AGMO: variants seen among roughly 807,000 people sequenced by gnomAD.
AGMO encodes the protein glyceryl-ether monooxygenase.
A neutral mutation model predicts 60.2 loss-of-function variants in AGMO; 75 were observed. The ratio of observed to expected loss-of-function variants is 1.25; its 90% confidence interval spans 1.03 to 1.51. The LOEUF is 1.51. Ranked by LOEUF, AGMO falls within the 40% of genes most tolerant of loss-of-function variation. The pLI is 0.00. For synonymous variants in AGMO, 261 were observed against 177.1 expected (o/e 1.47, Z -3.76); for missense variants, 763 against 525.5 (o/e 1.45, Z -4.42).
At chr7:15,391,559 G>C (rs945065288) in intron 6 of AGMO, among the ~76,000 whole-genome samples, 9 of 152,026 alleles carry the variant, frequency 5.9e-5, no homozygotes, top group African/African-American at 1.7e-4. Context: ...TTAAGAAAAA[G>C]AATAATTAAT....
At chr7:15,135,686 T>G in the AGMO span, among the ~76,000 whole-genome samples, 3 of 152,050 alleles carry the variant, frequency 2.0e-5, no homozygotes, top group Admixed American at 6.6e-5. Context: ...CTTAAATGTT[T>G]CTGTTTTAAT....
At chr7:15,393,979 A>G (rs1049260983) in intron 6 of AGMO, 134 bp downstream of exon 6, 7 of 650,100 alleles carry the variant, frequency 1.1e-5, no homozygotes, top group Non-Finnish European at 1.8e-5. Context: ...GAAGATAGAA[A>G]AGAAGAAACT....
At chr7:15,150,411 G>C in the AGMO span, among the ~76,000 whole-genome samples, 5 of 152,006 alleles carry the variant, frequency 3.3e-5, no homozygotes, top group Admixed American at 2.0e-4. Context: ...TCCAGCTTTT[G>C]CCCATTTAGT....
chr7:15,315,007 G>A (rs1170889533), intron 12 of AGMO, among the ~76,000 whole-genome samples: 2 of 152,150 alleles, frequency 1.3e-5, no homozygotes, highest in African/African-American at 4.8e-5. Flanking sequence ...AATACTAACC[G>A]CCAGCTGATA....
rs765222435 is a variant in AGMO at position 15,292,751 on chromosome 7, C to CTTTT, written c.1263+72759_1263+72762dup. ...AATACAGTCTCCTCCTTTTTTTTTCCTTTTTTTTTTTTTTTTTTTTTTTGA... is the reference window on the plus strand; with the variant it reads ...AATACAGTCTCCTCCTTTTTTTTTCCTTTTTTTTTTTTTTTTTTTTTTTTTTTGA... On this transcript the variant is annotated intron_variant, in intron 12 of 12. Transcript: ENST00000342526. Among the ~76,000 whole-genome samples the CTTTT allele has an allele frequency of 1.8e-3, 175 of 95,108 alleles. 3 individuals carry two copies. Among genetic ancestry groups the CTTTT allele is most frequent in the African/African-American group, 5.6e-3 (121 of 21,792 alleles). 62.4% of individuals were successfully genotyped at this position (95,108 alleles called of 152,430 possible).
chr7:15,482,996 T>G (rs905787182), intron 3 of AGMO, among the ~76,000 whole-genome samples: 1 of 152,200 alleles, frequency 6.6e-6, no homozygotes, highest in East Asian at 1.9e-4. Context: ...TATAAGTATC[T>G]ATCTTTAAAA....
chr7:15,372,053 C>G (rs1331214008), intron 10 of AGMO, among the ~76,000 whole-genome samples: 1 of 151,944 alleles, frequency 6.6e-6, no homozygotes, highest in Non-Finnish European at 1.5e-5. Flanking sequence ...CAACATAGAA[C>G]ACATATGCTT....
At chr7:15,357,930 C>G (rs1782604189) in intron 12 of AGMO, among the ~76,000 whole-genome samples, 1 of 151,764 alleles carries the variant, frequency 6.6e-6, no homozygotes, top group Non-Finnish European at 1.5e-5. Flanking sequence ...TGAATTTTAC[C>G]AAATAAACAC....
At chr7:15,355,221 G>C (rs1049410499) in intron 12 of AGMO, among the ~76,000 whole-genome samples, 2 of 152,010 alleles carry the variant, frequency 1.3e-5, no homozygotes, top group African/African-American at 4.8e-5. Context: ...AGCCAATATT[G>C]GCTGGGCACG....
chr7:15,192,668 T>C, the AGMO span, among the ~76,000 whole-genome samples: 1 of 152,260 alleles, frequency 6.6e-6, no homozygotes, highest in Non-Finnish European at 1.5e-5. Flanking sequence ...TAGCCATCCC[T>C]AGACAGCAAC....
intron 3 of AGMO, among the ~76,000 whole-genome samples, chr7:15,478,846 T>A (rs906147781): frequency 6.6e-6 from 1 of 152,194 alleles, no homozygotes. Flanking sequence ...TGTATTGATA[T>A]TGTATATTGA....
At chr7:15,285,698 T>G (rs1354362502) in intron 12 of AGMO, among the ~76,000 whole-genome samples, 1 of 152,040 alleles carries the variant, frequency 6.6e-6, no homozygotes, top group East Asian at 1.9e-4. Flanking sequence ...CCAACATCAT[T>G]TTTAACAGAA....
intron 9 of AGMO, among the ~76,000 whole-genome samples, chr7:15,386,683 A>G (rs1191856993): frequency 1.3e-5 from 2 of 152,180 alleles, no homozygotes; most frequent in African/African-American, 4.8e-5. Flanking sequence ...TAACTTTTGT[A>G]CACATAGTAT....
chr7:15,183,156 A>T, the AGMO span, among the ~76,000 whole-genome samples: 2 of 151,470 alleles, frequency 1.3e-5, no homozygotes, highest in Non-Finnish European at 2.9e-5. Flanking sequence ...GATGGCATAT[A>T]TGAGCAACTG....
intron 3 of AGMO, among the ~76,000 whole-genome samples, chr7:15,543,827 T>A (rs780530884): frequency 2.4e-4 from 36 of 151,446 alleles, no homozygotes; most frequent in Non-Finnish European, 4.9e-4. Flanking sequence ...GCAATTCCAG[T>A]GGGATTGCCG....
At chr7:15,219,806 G>A (rs1781861597) in intron 12 of AGMO, among the ~76,000 whole-genome samples, 2 of 152,122 alleles carry the variant, frequency 1.3e-5, no homozygotes, top group Admixed American at 6.6e-5. Context: ...AAGGATTTGA[G>A]GGGATTACAC....
At chr7:15,404,588 G>A (rs1477416851) in intron 5 of AGMO, among the ~76,000 whole-genome samples, 1 of 151,788 alleles carries the variant, frequency 6.6e-6, no homozygotes, top group African/African-American at 2.4e-5. Flanking sequence ...AGTGATAAAT[G>A]GAATCATGCT....
intron 12 of AGMO, among the ~76,000 whole-genome samples, chr7:15,311,345 A>G (rs1162988739): frequency 1.3e-5 from 2 of 152,242 alleles, no homozygotes; most frequent in African/African-American, 2.4e-5. Context: ...AAAAATAAGT[A>G]AAAATCCAGG....
intron 3 of AGMO, among the ~76,000 whole-genome samples, chr7:15,539,584 T>A (rs1784568686): frequency 6.6e-6 from 1 of 152,234 alleles, no homozygotes; most frequent in Non-Finnish European, 1.5e-5. Flanking sequence ...CTATTGTGAA[T>A]AGTGCTGCAT....
Sources: gnomAD v4.1 joint callset for allele counts (sites outside exome capture counted in the v4.1 genomes callset) on GRCh38, gnomAD v4.1.1 for gene constraint, MANE v1.5 for transcripts, NCBI Gene and HGNC (gene_info 2026-07-23, HGNC 2026-07-21) for gene names.